THADA: variants seen among roughly 807,000 people sequenced by gnomAD.
THADA encodes the protein THADA armadillo repeat containing, also known as tRNA (32-2'-O)-methyltransferase regulator THADA.
In THADA, 213 loss-of-function variants were observed where a neutral mutation model predicts 219.8. The ratio of observed to expected loss-of-function variants is 0.97; its 90% CI spans 0.87 to 1.09. The LOEUF is 1.09. Ranked by LOEUF, THADA falls within the 50% of genes least tolerant of loss-of-function variation. THADA has a pLI of 0.00. For missense variants in THADA, 2,956 were observed against 2,311.3 expected (o/e 1.28, Z -5.72); for synonymous variants, 1,018 against 828.9 (o/e 1.23, Z -3.92).
intron 26 of THADA, among the ~76,000 whole-genome samples, chr2:43,439,390 T>A (rs1680559140): frequency 6.6e-6 from 1 of 152,338 alleles, no homozygotes; most frequent in Middle Eastern, 3.4e-3. Context: ...AATTTATAAA[T>A]TATGAGTAGG....
chr2:43,306,120 A>G (rs1206537913), intron 31 of THADA, among the ~76,000 whole-genome samples: 2 of 151,854 alleles, frequency 1.3e-5, no homozygotes, highest in South Asian at 4.2e-4. Flanking sequence ...GATTCTCCCA[A>G]CTCAGCCTCA....
intron 36 of THADA, among the ~76,000 whole-genome samples, chr2:43,274,526 G>A (rs1364750683): frequency 1.3e-5 from 2 of 152,186 alleles, no homozygotes; most frequent in Non-Finnish European, 2.9e-5. Flanking sequence ...TAAAGCACAG[G>A]AAAGGGAAAA....
chr2:43,280,878 T>C (rs921757985), intron 35 of THADA, among the ~76,000 whole-genome samples: 1 of 152,322 alleles, frequency 6.6e-6, no homozygotes, highest in African/African-American at 2.4e-5. Flanking sequence ...CAATGAGTTG[T>C]GAAGAACAAA....
intron 26 of THADA, among the ~76,000 whole-genome samples, chr2:43,439,961 C>T (rs1201619837): frequency 1.3e-5 from 2 of 152,140 alleles, no homozygotes; most frequent in Admixed American, 6.5e-5. Flanking sequence ...AATTACAGAC[C>T]CATTAAATAT....
chr2:43,286,198 C>T (rs1479777767), intron 35 of THADA, among the ~76,000 whole-genome samples: 1 of 152,122 alleles, frequency 6.6e-6, no homozygotes, highest in Non-Finnish European at 1.5e-5. Context: ...GAACTGTTCC[C>T]TACTGATGAC....
At chr2:43,273,596 C>G (rs1195897235) in intron 36 of THADA, among the ~76,000 whole-genome samples, 2 of 152,146 alleles carry the variant, frequency 1.3e-5, no homozygotes, top group African/African-American at 4.8e-5. Flanking sequence ...ACTCTGTGAT[C>G]TGGCAGGAAC....
chr2:43,505,908 C>A (rs192146068), intron 23 of THADA, among the ~76,000 whole-genome samples, 173 bp from the exon 24 acceptor site: 150 of 152,292 alleles, frequency 9.8e-4, no homozygotes, highest in Admixed American at 1.6e-3. Flanking sequence ...CACAGTTGAA[C>A]CTACAGATTC....
At chr2:43,302,287 T>C (rs1259898526) in intron 31 of THADA, among the ~76,000 whole-genome samples, 2 of 152,104 alleles carry the variant, frequency 1.3e-5, no homozygotes, top group African/African-American at 4.8e-5. Flanking sequence ...CCCATCGTAC[T>C]TTTCCTAAGT....
intron 26 of THADA, among the ~76,000 whole-genome samples, chr2:43,444,416 C>A (rs377577704): frequency 1.3e-5 from 2 of 152,326 alleles, no homozygotes; most frequent in African/African-American, 4.8e-5. Context: ...ATAGGTGGAA[C>A]GCTGCTACTC....
At chr2:43,571,664 C>G in intron 13 of THADA, 43 bp downstream of exon 13, 1 of 1,561,140 alleles carries the variant, frequency 6.4e-7, no homozygotes, top group Middle Eastern at 1.7e-4. Flanking sequence ...ATTTCCCAAA[C>G]AAAGTTCACC....
intron 29 of THADA, among the ~76,000 whole-genome samples, chr2:43,386,336 A>C (rs1489206914): frequency 6.6e-6 from 1 of 152,130 alleles, no homozygotes; most frequent in Non-Finnish European, 1.5e-5. Context: ...TTTTTTTCAA[A>C]CATATGCCTT....
At chr2:43,540,092 G>A (rs1256533964) in intron 21 of THADA, among the ~76,000 whole-genome samples, 1 of 152,232 alleles carries the variant, frequency 6.6e-6, no homozygotes. Flanking sequence ...TTCTTAGCAA[G>A]ATGGTGAACA....
intron 8 of THADA, among the ~76,000 whole-genome samples, chr2:43,579,992 G>T (rs1472525130): frequency 6.6e-6 from 1 of 150,626 alleles, no homozygotes. Context: ...TACTGATTAG[G>T]TGCCATCAAC....
chr2:43,504,168 T>C (rs894180597), intron 24 of THADA, among the ~76,000 whole-genome samples: 6 of 152,084 alleles, frequency 3.9e-5, no homozygotes, highest in Admixed American at 6.5e-5. Context: ...TCTAGGAAAA[T>C]AGAACCAATT....
chr2:43,557,781 AG>A (rs2103918523), intron 16 of THADA, among the ~76,000 whole-genome samples: 1 of 152,346 alleles, frequency 6.6e-6, no homozygotes, highest in South Asian at 2.1e-4. Context: ...ATCTTGTGTT[AG>A]GAAAAAATAA....
chr2:43,395,237 C>T (rs563335479), intron 29 of THADA, among the ~76,000 whole-genome samples: 2 of 152,340 alleles, frequency 1.3e-5, no homozygotes, highest in Admixed American at 1.3e-4. Flanking sequence ...GCTAGGCCTT[C>T]CTTCTAACTC....
chr2:43,542,487 T>C lies in THADA; in HGVS notation c.3107-1171A>G, dbSNP rs368213465. Among the ~76,000 whole-genome samples, 7 of 152,330 alleles carry C rather than the reference T, an allele frequency of 4.6e-5. No individual in the cohort carries two copies. The East Asian group carries it at 5.8e-4, about 13-fold the overall frequency. ...TCCCCACCTAGTGGAGAATGTAGAA[T>C]ATGTAATACATCACTAAGAAATTGC... On this transcript the variant is annotated intron_variant, in intron 20 of 37. Transcript: ENST00000405975.
chr2:43,453,797 A>G (rs546224449), intron 26 of THADA, among the ~76,000 whole-genome samples: 1 of 152,342 alleles, frequency 6.6e-6, no homozygotes, highest in South Asian at 2.1e-4. Flanking sequence ...TCCGCTTAAT[A>G]GCCAGACCCA....
intron 24 of THADA, 145 bp downstream of exon 24, chr2:43,505,477 C>G (rs560650804): frequency 2.1e-6 from 1 of 485,344 alleles, no homozygotes; most frequent in African/African-American, 2.0e-5. Context: ...TTGCTTGAAC[C>G]TGGGAGGCGA....
Sources: gnomAD v4.1 joint callset for allele counts (sites outside exome capture counted in the v4.1 genomes callset) on GRCh38, gnomAD v4.1.1 for gene constraint, MANE v1.5 for transcripts, NCBI Gene and HGNC (gene_info 2026-07-23, HGNC 2026-07-21) for gene names.